Variants in LTBP3 observed in about 807,000 individuals in gnomAD.
The protein encoded by LTBP3 is latent transforming growth factor beta binding protein 3.
LTBP3 carries 97 observed loss-of-function variants against 159.7 expected under a neutral mutation model. The observed-to-expected ratio is 0.61, with a 90% CI of 0.52 to 0.72. The LOEUF (loss-of-function observed/expected upper bound fraction) is 0.72. LTBP3 is among the 30% of genes least tolerant of loss of function. LTBP3 has a pLI of 0.00. For missense variants in LTBP3, 1,584 were observed against 1,864.3 expected, an observed-to-expected ratio of 0.85 and a Z score of 2.77; for synonymous variants, 824 against 777.1, an observed-to-expected ratio of 1.06 and a Z score of -1.00.
intron 1 of LTBP3, among the ~76,000 whole-genome samples, chr11:65,556,337 G>C (rs565269976): frequency 6.6e-6 from 1 of 152,284 alleles, no homozygotes; most frequent in African/African-American, 2.4e-5. Context: ...AGACCAGGCT[G>C]ACCAACATGG....
In LTBP3 at chr11:65,558,308, T is replaced by A. The variant is rs1856885417; in HGVS notation, c.-349A>T. 11 of 632,068 alleles carry A rather than the reference T, an allele frequency of 1.7e-5. No individual in the cohort carries two copies. The highest frequency in any genetic ancestry group is 2.0e-5 in the Non-Finnish European group (10 of 495,210). The allele number at this position is 632,068 out of a possible 1,614,324, so 39.2% of individuals were successfully genotyped here. ...GCGCCTCCCCCTGGCCGGGCTCCTC[T>A]CCCGCGGCCGCGGGGAGGCAGGGAG... On this transcript the variant is annotated 5_prime_UTR_variant, in exon 1 of 28. Transcript: ENST00000301873.
Position 65,552,714 on chromosome 11 carries a change from G to T in LTBP3, c.1186+146C>A. The T allele has an allele frequency of 8.3e-7, 1 of 1,202,674 alleles. No individual in the cohort carries two copies. Among genetic ancestry groups the T allele is most frequent in the Non-Finnish European group, 1.2e-6 (1 of 824,634 alleles). The allele number at this position is 1,202,674 out of a possible 1,614,324, so 74.5% of individuals were successfully genotyped here. The stretch of plus-strand genomic sequence containing the variant: ...TAATGGCAGATCTCATGTGACCCCG[G>T]ACCCTGCTGATCCCTGATCCTATTG... On this transcript the variant is annotated intron_variant, in intron 6 of 27. Transcript: ENST00000301873. The surrounding 1 kb of genome is among the most constrained non-coding windows in gnomAD (Gnocchi z 6.0).
chr11:65,546,470 C>A lies in LTBP3; in HGVS notation c.2325G>T (p.Ala775=). The A allele has an allele frequency of 1.9e-6, 3 of 1,583,134 alleles. No individual in the cohort carries two copies. The highest frequency in any genetic ancestry group is 2.6e-6 in the Non-Finnish European group (3 of 1,172,222). The change falls in exon 16 of 28, where the codon GCG becomes GCT. Residue 775 remains alanine (A), a synonymous_variant. Transcript: ENST00000301873. This position sits in a 1 kb window ranked among gnomAD's most constrained non-coding sequence, Gnocchi z 4.0. The part of the protein sequence containing the change: ...SFRCTCAQGY[A]PAPDGRSCLD... Reference sequence around the variant, plus strand: ...AGCAACTGCGGCCGTCGGGCGCGGGCGCGTAGCCCTGGGCACAGGTGCAGC... The same window carrying A: ...AGCAACTGCGGCCGTCGGGCGCGGGAGCGTAGCCCTGGGCACAGGTGCAGC...
In LTBP3 at chr11:65,557,965, G is replaced by C. The variant is rs1856870019; in HGVS notation, c.-6C>G. ...GCCCCTCGGGGCCCGGGCATCCGGG[G>C]CCGCAGGACCCGGGGGAGGGGGGGC... On this transcript the variant is annotated 5_prime_UTR_variant, in exon 1 of 28. Coordinates refer to ENST00000301873, the MANE Select transcript of LTBP3 (RefSeq NM_001130144.3). 7 of 1,152,296 alleles carry C rather than the reference G, an allele frequency of 6.1e-6. No homozygotes were observed. In the South Asian group the frequency reaches 2.4e-4, roughly 39 times the overall value. 71.4% of individuals were successfully genotyped at this position (1,152,296 alleles called of 1,614,324 possible). A position where few individuals can be genotyped will look rare whatever the true frequency, so the allele number is the denominator to read the frequency against.
chr11:65,538,976 A>G lies in LTBP3; in HGVS notation c.*104T>C. ...GCGCCGGGAGGGTCTGCGGGCCCTG[A>G]AGGTCCCTGGGTCCGAGCCACAAGT... On this transcript the variant is annotated 3_prime_UTR_variant, in exon 28 of 28. Transcript: ENST00000301873. 1 of 1,314,298 alleles carries G rather than the reference A, an allele frequency of 7.6e-7. No individual in the cohort carries two copies. The highest frequency in any genetic ancestry group is 9.7e-7 in the Non-Finnish European group (1 of 1,032,794). 81.4% of individuals were successfully genotyped at this position (1,314,298 alleles called of 1,614,324 possible). A position where few individuals can be genotyped will look rare whatever the true frequency, so the allele number is the denominator to read the frequency against.
chr11:65,547,886 C>A lies in LTBP3; in HGVS notation c.1846+34G>T. Reference sequence around the variant, plus strand: ...GTCGTTATCTGGGGTCCCCCCCCACCCACCTGCATGCCCGCCGCCTGCCCT... The same window carrying A: ...GTCGTTATCTGGGGTCCCCCCCCACACACCTGCATGCCCGCCGCCTGCCCT... On this transcript the variant is annotated intron_variant, in intron 12 of 27. Transcript: ENST00000301873. The surrounding 1 kb of genome is among the most constrained non-coding windows in gnomAD (Gnocchi z 4.6). 1 of 1,613,466 alleles carries A rather than the reference C, an allele frequency of 6.2e-7. No individual in the cohort carries two copies. Among genetic ancestry groups the A allele is most frequent in the Non-Finnish European group, 8.5e-7 (1 of 1,179,938 alleles).
Position 65,554,701 on chromosome 11 carries a change from T to C in LTBP3, c.332-321A>G, listed in dbSNP as rs757708795. Among the ~76,000 whole-genome samples the C allele has an allele frequency of 3.3e-5, 5 of 152,110 alleles. No homozygotes were observed. Among genetic ancestry groups the C allele is most frequent in the Non-Finnish European group, 7.4e-5 (5 of 68,004 alleles). On this transcript the variant is annotated intron_variant, in intron 1 of 27. Transcript: ENST00000301873. This position sits in a 1 kb window ranked among gnomAD's most constrained non-coding sequence, Gnocchi z 5.3. ...ATGAGGTAAGGGCTGTACAAATGCT[T>C]ACCCCAGGGCCTGGTACACAAAGGG...
Position 65,557,649 on chromosome 11 carries a change from G to T in LTBP3, c.311C>A (p.Thr104Lys). The change falls in exon 1 of 28, where the codon ACG becomes AAG. Residue 104 changes from threonine to lysine, a missense_variant. By Grantham distance (78) the Thr-to-Lys change is moderately conservative. Coordinates refer to ENST00000301873, the MANE Select transcript of LTBP3 (RefSeq NM_001130144.3). ...GENGHSTDTL[T>K]GSGFRVVVCP... is the part of the protein sequence containing the mutation. ...CTCACCCACGCGGAAGCCGGAGCCC[G>T]TGAGCGTGTCTGTGCTGTGGCCGTT... The T allele has an allele frequency of 1.2e-6, 2 of 1,610,612 alleles. No homozygotes were observed. Among genetic ancestry groups the T allele is most frequent in the Non-Finnish European group, 1.7e-6 (2 of 1,179,864 alleles).
chr11:65,548,523 C>G (rs1856477704), intron 11 of LTBP3: 1 of 208,600 alleles, frequency 4.8e-6, no homozygotes, highest in South Asian at 7.9e-5. Flanking sequence ...TTGATTACCC[C>G]CTCCCAAGAC....
intron 19 of LTBP3, 42 bp from the exon 20 acceptor site, chr11:65,541,335 C>G (rs1856128298): frequency 6.2e-7 from 1 of 1,600,292 alleles, no homozygotes; most frequent in African/African-American, 1.3e-5. Flanking sequence ...ACAGACCCCC[C>G]TTGGCCCTGT....
chr11:65,539,526 C>A, intron 26 of LTBP3, 22 bp downstream of exon 26: 1 of 1,609,570 alleles, frequency 6.2e-7, no homozygotes, highest in East Asian at 2.2e-5. Context: ...ACCCCGCCAC[C>A]GCCCGACCCG....
intron 10 of LTBP3, 43 bp downstream of exon 10, chr11:65,551,359 T>A: frequency 1.2e-6 from 2 of 1,603,862 alleles, no homozygotes; most frequent in Non-Finnish European, 1.7e-6. Flanking sequence ...GCCCACCCAG[T>A]GATTTAGCCC....
In LTBP3 at chr11:65,554,808, G is replaced by A. The variant is rs1342075812; in HGVS notation, c.332-428C>T. On this transcript the variant is annotated intron_variant, in intron 1 of 27. Coordinates refer to ENST00000301873, the MANE Select transcript of LTBP3 (RefSeq NM_001130144.3). This position sits in a 1 kb window ranked among gnomAD's most constrained non-coding sequence, Gnocchi z 5.3. The stretch of plus-strand genomic sequence containing the variant: ...CAAAGGTATTGGCTCCGTCCCTGGC[G>A]CCTCCTCCTCTTCTCCCATAAACCC... 2.0e-5 allele frequency among the ~76,000 whole-genome samples: 3 copies of A among 151,952 alleles called. No homozygotes were observed. Among genetic ancestry groups the A allele is most frequent in the South Asian group, 2.1e-4 (1 of 4,816 alleles).
chr11:65,548,659 C>T (rs1308289504), intron 11 of LTBP3: 1 of 167,136 alleles, frequency 6.0e-6, no homozygotes, highest in African/African-American at 2.4e-5. Context: ...CCAGCCTCTC[C>T]CCTCCTTTGG....
rs1364784951 is a variant in LTBP3, at chr11:65,553,138, C to T, written c.1063+26G>A. On this transcript the variant is annotated intron_variant, in intron 5 of 27. Transcript: ENST00000301873. The surrounding 1 kb of genome is among the most constrained non-coding windows in gnomAD (Gnocchi z 6.5). ...GTGATGGCTGGCCTGCCCCTCCAGC[C>T]CACAGAATCTCCTAGCTGGCCATAC... The T allele has an allele frequency of 6.2e-7, 1 of 1,612,504 alleles. No individual in the cohort carries two copies. Among genetic ancestry groups the T allele is most frequent in the Non-Finnish European group, 8.5e-7 (1 of 1,178,774 alleles).
rs2135122386 is a variant in LTBP3, at chr11:65,540,561, C to A, written c.3031G>T (p.Val1011Leu). The change falls in exon 22 of 28, where the codon GTG (valine) becomes TTG (leucine). Residue 1011 changes from valine (V) to leucine (L), a missense_variant. Coordinates refer to ENST00000301873, the MANE Select transcript of LTBP3 (RefSeq NM_001130144.3). ...GSEICKEGKCVNTQPGYECYC... is the reference protein window; with the variant it reads ...GSEICKEGKCLNTQPGYECYC... The stretch of plus-strand genomic sequence containing the variant: ...CACTCGTAGCCAGGCTGCGTGTTCA[C>A]GCACTTGCCCTCCTTGCAAATCTCC... The A allele has an allele frequency of 1.2e-6, 2 of 1,613,890 alleles. No individual in the cohort carries two copies. Among genetic ancestry groups the A allele is most frequent in the Middle Eastern group, 1.6e-4 (1 of 6,062 alleles).
chr11:65,539,270 C>T, intron 27 of LTBP3, 39 bp from the exon 28 acceptor site: 1 of 1,517,018 alleles, frequency 6.6e-7, no homozygotes, highest in Non-Finnish European at 8.9e-7. Context: ...CGCTGAGCCT[C>T]CAGGCGGCTC....
At position 65,553,380 on chromosome 11, in the gene LTBP3, G is replaced by T; in HGVS notation, c.970+45C>A. 1.4e-6 allele frequency: 1 copy of T among 711,206 alleles called. No individual in the cohort carries two copies. The allele number at this position is 711,206 out of a possible 1,614,324, so 44.1% of individuals were successfully genotyped here. A position where few individuals can be genotyped will look rare whatever the true frequency, so the allele number is the denominator to read the frequency against. On this transcript the variant is annotated intron_variant, in intron 4 of 27. Coordinates refer to ENST00000301873, the MANE Select transcript of LTBP3 (RefSeq NM_001130144.3). This position sits in a 1 kb window ranked among gnomAD's most constrained non-coding sequence, Gnocchi z 6.5. ...TGCAGGGATGGGTGGGGTGGGTGGG[G>T]AGGGGCCACCAGATAGGGAACGCCC...
chr11:65,540,423 G>A lies in LTBP3; in HGVS notation c.3107-41C>T, dbSNP rs1856053902. The A allele has an allele frequency of 1.9e-6, 3 of 1,608,688 alleles. No individual in the cohort carries two copies. The East Asian group carries it at 6.7e-5, about 36-fold the overall frequency. On this transcript the variant is annotated intron_variant, in intron 22 of 27. Coordinates refer to ENST00000301873, the MANE Select transcript of LTBP3 (RefSeq NM_001130144.3). ...GCGTGGGTAGCAGGGGCAGGCCCGG[G>A]ATGGGCGCGGTGGCGCGTGTCTCCC... is the stretch of plus-strand genomic sequence containing the variant.
Sources: gnomAD v4.1 joint callset for allele counts (sites outside exome capture counted in the v4.1 genomes callset) on GRCh38, gnomAD v4.1.1 for gene constraint, Gnocchi (gnomAD v3.1) non-coding constraint, MANE v1.5 for transcripts, NCBI Gene and HGNC (gene_info 2026-07-23, HGNC 2026-07-21) for gene names.